ENOX1: variants seen among roughly 807,000 people sequenced by gnomAD.
The protein encoded by ENOX1 is ecto-NOX disulfide-thiol exchanger 1.
A neutral mutation model predicts 82.5 loss-of-function variants in ENOX1; 42 were observed. That is an observed-to-expected ratio of 0.51 (90% confidence interval 0.40 to 0.66). The LOEUF (loss-of-function observed/expected upper bound fraction) is 0.66. Ranked by LOEUF, ENOX1 falls within the 30% of genes least tolerant of loss-of-function variation. ENOX1 has a pLI of 0.00. For missense variants in ENOX1, 608 were observed against 811.6 expected (o/e 0.75, Z 3.05); for synonymous variants, 271 against 282.2 (o/e 0.96, Z 0.40).
chr13:43,724,219 A>G (rs1341678920), intron 1 of ENOX1, among the ~76,000 whole-genome samples: 1 of 152,222 alleles, frequency 6.6e-6, no homozygotes, highest in Non-Finnish European at 1.5e-5. Context: ...TCAGTTAAAT[A>G]AATCAAATAT....
intron 3 of ENOX1, among the ~76,000 whole-genome samples, chr13:43,479,793 G>A (rs1487462436): frequency 6.6e-6 from 1 of 152,204 alleles, no homozygotes; most frequent in African/African-American, 2.4e-5. Flanking sequence ...AGTTTCTGTA[G>A]TCTGGGCAGT....
chr13:43,352,237 C>CCCTG (rs2049854255), intron 8 of ENOX1, among the ~76,000 whole-genome samples: 1 of 152,232 alleles, frequency 6.6e-6, no homozygotes, highest in African/African-American at 2.4e-5. Flanking sequence ...ATCCCAAAGG[C>CCCTG]CCTGCCTGCA....
intron 12 of ENOX1, among the ~76,000 whole-genome samples, chr13:43,296,921 C>T (rs1206362241): frequency 2.0e-5 from 3 of 152,126 alleles, no homozygotes; most frequent in Admixed American, 6.5e-5. Context: ...CTCATCTTGG[C>T]GAGGGTGCCA....
chr13:43,750,649 G>A (rs778233868), intron 1 of ENOX1, among the ~76,000 whole-genome samples: 4 of 152,184 alleles, frequency 2.6e-5, no homozygotes, highest in Admixed American at 6.5e-5. Context: ...GAACAAGACT[G>A]ACAGATGTCC....
At chr13:43,784,380 T>C (rs1483323401) in intron 1 of ENOX1, among the ~76,000 whole-genome samples, 2 of 152,218 alleles carry the variant, frequency 1.3e-5, no homozygotes, top group African/African-American at 4.8e-5. Context: ...TAATTTCCAA[T>C]TTGTCACATA....
chr13:43,380,243 G>A (rs1397252163), intron 5 of ENOX1, among the ~76,000 whole-genome samples: 1 of 151,554 alleles, frequency 6.6e-6, no homozygotes, highest in East Asian at 1.9e-4. Context: ...ATCGGAAATG[G>A]CAAATATATG....
intron 3 of ENOX1, among the ~76,000 whole-genome samples, chr13:43,461,602 C>T (rs900549671): frequency 3.9e-5 from 6 of 152,098 alleles, no homozygotes; most frequent in South Asian, 2.1e-4. Flanking sequence ...CCAAGGAGGA[C>T]GTGGTCATGG....
chr13:43,611,836 C>A (rs1028175883), intron 2 of ENOX1, among the ~76,000 whole-genome samples: 3 of 152,220 alleles, frequency 2.0e-5, no homozygotes, highest in African/African-American at 7.2e-5. Flanking sequence ...TAGGCTTGCC[C>A]TTGGCATGGT....
intron 2 of ENOX1, among the ~76,000 whole-genome samples, chr13:43,499,917 C>T (rs1316059978): frequency 6.6e-6 from 1 of 151,928 alleles, no homozygotes; most frequent in East Asian, 1.9e-4. Context: ...AATAGAAATT[C>T]TGGAGCTGCA....
At chr13:43,672,986 C>T (rs1463457114) in intron 1 of ENOX1, among the ~76,000 whole-genome samples, 1 of 152,086 alleles carries the variant, frequency 6.6e-6, no homozygotes, top group Non-Finnish European at 1.5e-5. Context: ...TGCCCTCTCA[C>T]CCTGCAAATC....
intron 1 of ENOX1, among the ~76,000 whole-genome samples, chr13:43,774,916 C>T (rs1467659808): frequency 6.6e-6 from 1 of 152,070 alleles, no homozygotes; most frequent in African/African-American, 2.4e-5. Flanking sequence ...ATGGCGTGAT[C>T]TCGGCTCCCT....
intron 2 of ENOX1, among the ~76,000 whole-genome samples, chr13:43,602,550 TAATA>T: frequency 6.6e-6 from 1 of 152,186 alleles, no homozygotes; most frequent in South Asian, 2.1e-4. Context: ...GCCCAGCACT[TAATA>T]AAAATGTAGG....
chr13:43,374,124 C>T (rs2051441791), intron 5 of ENOX1, among the ~76,000 whole-genome samples: 2 of 150,280 alleles, frequency 1.3e-5, no homozygotes, highest in Non-Finnish European at 3.0e-5. Context: ...CCTTCCCCTC[C>T]TTTCCTTTCC....
chr13:43,337,241 A>T (rs2048765629), intron 9 of ENOX1, among the ~76,000 whole-genome samples: 1 of 152,096 alleles, frequency 6.6e-6, no homozygotes, highest in African/African-American at 2.4e-5. Flanking sequence ...TTTTTTTCTT[A>T]GGTCTTCTAT....
At chr13:43,467,078 G>C (rs768978514) in intron 3 of ENOX1, among the ~76,000 whole-genome samples, 1 of 152,168 alleles carries the variant, frequency 6.6e-6, no homozygotes, top group Non-Finnish European at 1.5e-5. Flanking sequence ...GAATAAAATT[G>C]CTATGAACAC....
At chr13:43,768,108 T>C (rs1033215200) in intron 1 of ENOX1, among the ~76,000 whole-genome samples, 1 of 152,216 alleles carries the variant, frequency 6.6e-6, no homozygotes, top group African/African-American at 2.4e-5. Context: ...CAACCTAACA[T>C]TTTCCTTCTT....
At chr13:43,554,201 C>T (rs750865868) in intron 2 of ENOX1, among the ~76,000 whole-genome samples, 1 of 152,016 alleles carries the variant, frequency 6.6e-6, no homozygotes, top group African/African-American at 2.4e-5. Flanking sequence ...CCATCCCTCC[C>T]GAATCATATG....
intron 2 of ENOX1, among the ~76,000 whole-genome samples, chr13:43,662,421 C>T (rs1453695345): frequency 2.0e-5 from 3 of 152,148 alleles, no homozygotes; most frequent in African/African-American, 7.2e-5. Context: ...TTCCATTTGT[C>T]ACTCACTGTC....
rs114582566 is a variant in ENOX1, at chr13:43,744,707, T to C, written c.-285+41945A>G. On this transcript the variant is annotated intron_variant, in intron 1 of 16. Transcript: ENST00000690772. Reference sequence around the variant, plus strand: ...GCTAGTGCTTTCACCATTATTAAAGTATGTTTATACAGGGTTTGGCTTTCC... The same window carrying C: ...GCTAGTGCTTTCACCATTATTAAAGCATGTTTATACAGGGTTTGGCTTTCC... 9.0e-3 allele frequency among the ~76,000 whole-genome samples: 1,364 copies of C among 152,342 alleles called. 21 individuals are homozygous for C. The highest frequency in any genetic ancestry group is 0.031 in the African/African-American group (1,293 of 41,574).
Sources: gnomAD v4.1 joint callset for allele counts (sites outside exome capture counted in the v4.1 genomes callset) on GRCh38, gnomAD v4.1.1 for gene constraint, MANE v1.5 for transcripts, NCBI Gene and HGNC (gene_info 2026-07-23, HGNC 2026-07-21) for gene names.